The following MRPS9 variants were observed in gnomAD, a reference collection of about 807,000 sequenced individuals.
The protein encoded by MRPS9 is mitochondrial ribosomal protein S9, also known as small ribosomal subunit protein uS9m.
In MRPS9, 45 loss-of-function variants were observed where a neutral mutation model predicts 59.9. The ratio of observed to expected loss-of-function variants is 0.75; its 90% CI spans 0.59 to 0.96. The LOEUF is 0.96. Ranked by LOEUF, MRPS9 falls within the 40% of genes least tolerant of loss-of-function variation. The pLI, the probability that MRPS9 is intolerant of heterozygous loss-of-function variation, is 0.00. For synonymous variants in MRPS9, 171 were observed against 166.8 expected, an observed-to-expected ratio of 1.03 and a Z score of -0.19; for missense variants, 473 against 481.1, an observed-to-expected ratio of 0.98 and a Z score of 0.16.
intron 9 of MRPS9, among the ~76,000 whole-genome samples, chr2:105,096,777 A>T (rs964991089): frequency 2.0e-5 from 3 of 152,184 alleles, no homozygotes; most frequent in African/African-American, 7.2e-5. Flanking sequence ...GGAAAGGCCT[A>T]TTGATTTTAT....
intron 6 of MRPS9, 33 bp from the exon 7 acceptor site, chr2:105,089,887 A>T (rs1346760574): frequency 6.9e-7 from 1 of 1,452,438 alleles, no homozygotes; most frequent in African/African-American, 1.4e-5. Context: ...TGCATGGCTA[A>T]TTAAAAAGAG....
At chr2:105,095,157 C>T (rs1387959804) in intron 9 of MRPS9, among the ~76,000 whole-genome samples, 1 of 152,072 alleles carries the variant, frequency 6.6e-6, no homozygotes, top group Admixed American at 6.5e-5. Context: ...GTGAGGTGAC[C>T]ATTGACTAAT....
intron 4 of MRPS9, among the ~76,000 whole-genome samples, chr2:105,076,552 G>A (rs1214753585): frequency 1.3e-5 from 2 of 152,186 alleles, no homozygotes; most frequent in Admixed American, 1.3e-4. Context: ...TTAATGGAAT[G>A]CTGAAAAATA....
chr2:105,058,493 T>A (rs531516525), intron 2 of MRPS9, among the ~76,000 whole-genome samples: 5 of 152,350 alleles, frequency 3.3e-5, no homozygotes, highest in African/African-American at 1.2e-4. Flanking sequence ...CTGTTGAATA[T>A]CAGTATTCTA....
intron 9 of MRPS9, 60 bp from the exon 10 acceptor site, chr2:105,097,094 GT>G: frequency 7.3e-7 from 1 of 1,367,288 alleles, no homozygotes; most frequent in Non-Finnish European, 9.6e-7. Context: ...AATTTCAGTT[GT>G]TTACATAATT....
At chr2:105,065,480 G>T (rs7608678) in intron 2 of MRPS9, among the ~76,000 whole-genome samples, 113,378 of 152,154 alleles carry the variant, frequency 0.75, 42,694 homozygotes, top group African/African-American at 0.85. Flanking sequence ...TTAATATTTA[G>T]TGAATGACTA....
intron 9 of MRPS9, among the ~76,000 whole-genome samples, chr2:105,094,672 G>T (rs1227927079): frequency 1.3e-5 from 2 of 152,218 alleles, no homozygotes; most frequent in Non-Finnish European, 2.9e-5. Flanking sequence ...CTCCATTTAA[G>T]ATGAATTAGT....
chr2:105,062,041 C>A (rs541881601), intron 2 of MRPS9, among the ~76,000 whole-genome samples: 20 of 152,070 alleles, frequency 1.3e-4, no homozygotes, highest in Admixed American at 5.2e-4. Context: ...CCAGTAAGGA[C>A]CTCTGAATGA....
At chr2:105,041,628 T>C (rs1396142841) in intron 1 of MRPS9, among the ~76,000 whole-genome samples, 1 of 152,194 alleles carries the variant, frequency 6.6e-6, no homozygotes, top group Non-Finnish European at 1.5e-5. Context: ...AATACATTTT[T>C]TTTGACAAAT....
intron 2 of MRPS9, among the ~76,000 whole-genome samples, chr2:105,067,551 A>G (rs1303941383): frequency 6.6e-6 from 1 of 152,168 alleles, no homozygotes; most frequent in Non-Finnish European, 1.5e-5. Flanking sequence ...TTCTGAGTTC[A>G]TGCGAATTTT....
chr2:105,097,112 C>T, intron 9 of MRPS9, 43 bp from the exon 10 acceptor site: 1 of 1,418,194 alleles, frequency 7.1e-7, no homozygotes, highest in Non-Finnish European at 9.3e-7. Context: ...AATTATGTAT[C>T]TTTATAGTAA....
chr2:105,057,811 T>C (rs753149930), intron 2 of MRPS9, among the ~76,000 whole-genome samples: 2 of 152,238 alleles, frequency 1.3e-5, no homozygotes, highest in Non-Finnish European at 2.9e-5. Context: ...GTAGTTGTTA[T>C]AAAGTTTAGT....
chr2:105,068,223 G>T (rs1027127474), intron 2 of MRPS9, among the ~76,000 whole-genome samples: 9 of 151,558 alleles, frequency 5.9e-5, no homozygotes, highest in African/African-American at 2.2e-4. Flanking sequence ...AATATTTTTT[G>T]AATATTACAG....
At chr2:105,065,302 G>A (rs1318322214) in intron 2 of MRPS9, among the ~76,000 whole-genome samples, 1 of 152,184 alleles carries the variant, frequency 6.6e-6, no homozygotes, top group Non-Finnish European at 1.5e-5. Context: ...ACAAAGGAGA[G>A]TACATTATGA....
intron 4 of MRPS9, among the ~76,000 whole-genome samples, chr2:105,078,139 G>T (rs1680250413): frequency 2.8e-5 from 3 of 107,736 alleles, no homozygotes; most frequent in Admixed American, 9.3e-5. Flanking sequence ...TTAATTCTAA[G>T]ACTTTTTTTT....
Position 105,038,096 on chromosome 2 carries a change from G to C in MRPS9, c.4G>C (p.Ala2Pro). MAAPCVSYGGAV... is the reference protein window; with the variant it reads MPAPCVSYGGAV... The stretch of plus-strand genomic sequence containing the variant: ...TCCTGGAGCTCCCACAGCTAACATG[G>C]CGGCGCCCTGTGTGTCCTACGGCGG... The change falls in exon 1 of 11, where the codon GCG becomes CCG. Residue 2 changes from alanine (A) to proline (P), a missense_variant. Transcript: ENST00000258455. The C allele has an allele frequency of 6.2e-7, 1 of 1,613,816 alleles. No homozygotes were observed. Among genetic ancestry groups the C allele is most frequent in the South Asian group, 1.1e-5 (1 of 91,026 alleles).
chr2:105,063,925 G>T (rs996626792), intron 2 of MRPS9, among the ~76,000 whole-genome samples: 1 of 152,134 alleles, frequency 6.6e-6, no homozygotes, highest in Non-Finnish European at 1.5e-5. Context: ...CTGCAGACAC[G>T]ACCGAGGTAA....
intron 2 of MRPS9, among the ~76,000 whole-genome samples, chr2:105,052,332 G>C (rs1171743551): frequency 6.6e-6 from 1 of 152,098 alleles, no homozygotes; most frequent in African/African-American, 2.4e-5. Flanking sequence ...GTTGTGGTTA[G>C]TGTTTTTGTC....
intron 9 of MRPS9, among the ~76,000 whole-genome samples, chr2:105,094,160 G>A (rs565578838): frequency 6.6e-6 from 1 of 152,262 alleles, no homozygotes; most frequent in Admixed American, 6.5e-5. Flanking sequence ...TCAGAGGAAT[G>A]TGATTATATA....
Sources: allele counts gnomAD v4.1 joint callset (sites outside exome capture counted in the v4.1 genomes callset), GRCh38; gene constraint gnomAD v4.1.1; transcripts MANE v1.5; gene names NCBI Gene and HGNC (gene_info 2026-07-23, HGNC 2026-07-21).